ADAMTSL1: variants seen among roughly 807,000 people sequenced by gnomAD.
ADAMTSL1 encodes the protein ADAMTS like 1.
A neutral mutation model predicts 201.8 loss-of-function variants in ADAMTSL1; 126 were observed. That is an observed-to-expected ratio of 0.62 (90% confidence interval 0.54 to 0.72). ADAMTSL1 has a LOEUF of 0.72. Among genes scored for constraint, ADAMTSL1 ranks in the 30% least tolerant of loss-of-function variants. The pLI is 0.00. For synonymous variants in ADAMTSL1, 1,121 were observed against 903.4 expected (o/e 1.24, Z -4.32); for missense variants, 2,679 against 2,277.8 (o/e 1.18, Z -3.59).
chr9:18,366,327 A>G (rs190815824), intron 2 of ADAMTSL1, among the ~76,000 whole-genome samples: 7 of 120,448 alleles, frequency 5.8e-5, no homozygotes, highest in Non-Finnish European at 5.9e-5. Flanking sequence ...CCTTATATAC[A>G]TATGGCTGAA....
At chr9:17,927,982 C>G (rs1250841524) in intron 1 of ADAMTSL1, among the ~76,000 whole-genome samples, 1 of 148,968 alleles carries the variant, frequency 6.7e-6, no homozygotes, top group African/African-American at 2.5e-5. Context: ...TTTTTCTTTT[C>G]TTTTCTTTCT....
In ADAMTSL1 at chr9:18,288,709, G is replaced by T. The variant is rs894057170; in HGVS notation, c.207+124728G>T. On this transcript the variant is annotated intron_variant, in intron 2 of 29. Coordinates refer to the ADAMTSL1 transcript ENST00000680146. ...AGTAAAAGAGGCAGCAGAGGCTAAAGAAGCCAGCCAGCTCTAGAAAGGATT... is the reference window on the plus strand; with the variant it reads ...AGTAAAAGAGGCAGCAGAGGCTAAATAAGCCAGCCAGCTCTAGAAAGGATT... 3.3e-5 allele frequency among the ~76,000 whole-genome samples: 5 copies of T among 152,228 alleles called. No homozygotes were observed. The East Asian group carries it at 9.6e-4, about 29-fold the overall frequency.
At chr9:17,981,203 C>G (rs1818677950) in intron 1 of ADAMTSL1, among the ~76,000 whole-genome samples, 1 of 152,188 alleles carries the variant, frequency 6.6e-6, no homozygotes, top group Non-Finnish European at 1.5e-5. Context: ...AATGCCCTCA[C>G]CAGATACCAG....
chr9:18,056,837 T>G (rs1298291345), intron 1 of ADAMTSL1, among the ~76,000 whole-genome samples: 1 of 152,134 alleles, frequency 6.6e-6, no homozygotes, highest in Non-Finnish European at 1.5e-5. Flanking sequence ...TGCAGTGCCC[T>G]TCACAGACCT....
intron 2 of ADAMTSL1, among the ~76,000 whole-genome samples, chr9:18,288,697 G>A (rs979702208): frequency 3.9e-5 from 6 of 152,324 alleles, no homozygotes; most frequent in African/African-American, 1.4e-4. Flanking sequence ...AAAAGAGGCA[G>A]CAGAGGCTAA....
At chr9:18,267,762 T>TTAAAAA (rs200313213) in intron 2 of ADAMTSL1, among the ~76,000 whole-genome samples, 1 of 125,288 alleles carries the variant, frequency 8.0e-6, no homozygotes, top group Non-Finnish European at 1.6e-5. Context: ...CAAAGGCTAT[T>TTAAAAA]AAAAAAAAAA....
chr9:18,514,547 G>C (rs1331111180), intron 2 of ADAMTSL1, among the ~76,000 whole-genome samples: 1 of 151,912 alleles, frequency 6.6e-6, no homozygotes, highest in Non-Finnish European at 1.5e-5. Context: ...CACCAGGATG[G>C]TCTCGATCTC....
At chr9:18,751,846 T>TAGAAAACC (rs1428484447) in intron 15 of ADAMTSL1, among the ~76,000 whole-genome samples, 2 of 3,780 alleles carry the variant, frequency 5.3e-4, no homozygotes, top group African/African-American at 2.4e-3. Flanking sequence ...CAACTTGCAC[T>TAGAAAACC]TTGGGAGGCC....
chr9:18,882,464 C>T (rs1010188008), intron 23 of ADAMTSL1, among the ~76,000 whole-genome samples: 2 of 152,154 alleles, frequency 1.3e-5, no homozygotes, highest in Non-Finnish European at 2.9e-5. Context: ...TATAGTTTTC[C>T]TGGCTTTTAT....
chr9:18,794,230 A>G (rs1822228052), intron 19 of ADAMTSL1, among the ~76,000 whole-genome samples: 1 of 152,158 alleles, frequency 6.6e-6, no homozygotes, highest in African/African-American at 2.4e-5. Flanking sequence ...GCAACTTGGC[A>G]AGACCCTATC....
rs557208327 is a variant in ADAMTSL1, at chr9:18,864,609, C to G, written c.4250-23222C>G. Among the ~76,000 whole-genome samples, 8 of 152,282 alleles carry G rather than the reference C, an allele frequency of 5.3e-5. No homozygotes were observed. In the South Asian group the frequency reaches 1.7e-3, roughly 32 times the overall value. The stretch of plus-strand genomic sequence containing the variant: ...AAGTTAGCATCTTCTGCTGAGGGTG[C>G]GAGGAAGTGAAGCCAGAGATGCCAG... On this transcript the variant is annotated intron_variant, in intron 23 of 28. Coordinates refer to ENST00000380548, the MANE Select transcript of ADAMTSL1 (RefSeq NM_001040272.6).
At chr9:18,009,392 C>T (rs1462059652) in intron 1 of ADAMTSL1, among the ~76,000 whole-genome samples, 1 of 151,992 alleles carries the variant, frequency 6.6e-6, no homozygotes, top group Non-Finnish European at 1.5e-5. Context: ...ACTGGAAATG[C>T]TTACTTGCCT....
chr9:18,525,681 C>G (rs748763523), intron 2 of ADAMTSL1, among the ~76,000 whole-genome samples: 1 of 152,170 alleles, frequency 6.6e-6, no homozygotes, highest in Non-Finnish European at 1.5e-5. Flanking sequence ...ATCTTTATTT[C>G]TGCCTTCATT....
At chr9:18,295,528 T>G (rs899262892) in intron 2 of ADAMTSL1, among the ~76,000 whole-genome samples, 1 of 152,030 alleles carries the variant, frequency 6.6e-6, no homozygotes, top group Non-Finnish European at 1.5e-5. Context: ...TTAGTAGAGA[T>G]GGAGTTTCAC....
At chr9:18,011,419 C>G (rs7032079) in intron 1 of ADAMTSL1, among the ~76,000 whole-genome samples, 2 of 151,752 alleles carry the variant, frequency 1.3e-5, no homozygotes, top group Admixed American at 1.3e-4. Flanking sequence ...CTGTTTACCC[C>G]CTGCAAGTGG....
intron 3 of ADAMTSL1, among the ~76,000 whole-genome samples, chr9:18,563,426 C>T (rs558998505): frequency 3.9e-5 from 6 of 152,174 alleles, no homozygotes; most frequent in Admixed American, 2.6e-4. Context: ...AGCTGGAGCT[C>T]TCCTATATGA....
chr9:18,073,997 A>G (rs555037305), intron 1 of ADAMTSL1, among the ~76,000 whole-genome samples: 1 of 151,966 alleles, frequency 6.6e-6, no homozygotes, highest in East Asian at 1.9e-4. Context: ...TTTCGCATTG[A>G]AAAGGGAGGC....
chr9:18,423,917 T>C (rs1819077471), intron 2 of ADAMTSL1, among the ~76,000 whole-genome samples: 1 of 152,254 alleles, frequency 6.6e-6, no homozygotes, highest in Non-Finnish European at 1.5e-5. Flanking sequence ...GATAAATATG[T>C]GCATGAATGG....
chr9:18,722,910 G>T, intron 15 of ADAMTSL1: 2 of 713,528 alleles, frequency 2.8e-6, no homozygotes, highest in Non-Finnish European at 5.2e-6. Flanking sequence ...TGCCCCACCT[G>T]GTTCCACATT....
Sources: gnomAD v4.1 joint callset for allele counts (sites outside exome capture counted in the v4.1 genomes callset) on GRCh38, gnomAD v4.1.1 for gene constraint, MANE v1.5 for transcripts, NCBI Gene and HGNC (gene_info 2026-07-23, HGNC 2026-07-21) for gene names.